KCTD16: variants seen among roughly 807,000 people sequenced by gnomAD.
The protein encoded by KCTD16 is BTB/POZ domain-containing protein KCTD16.
A neutral mutation model predicts 33.2 loss-of-function variants in KCTD16; 13 were observed. That is an observed-to-expected ratio of 0.39 (90% CI 0.25 to 0.62). The LOEUF (loss-of-function observed/expected upper bound fraction) is 0.62. Ranked by LOEUF, KCTD16 falls within the 20% of genes least tolerant of loss-of-function variation. KCTD16 has a pLI of 0.50. For synonymous variants in KCTD16, 197 were observed against 195.3 expected, an observed-to-expected ratio of 1.01 and a Z score of -0.07; for missense variants, 441 against 525.1, an observed-to-expected ratio of 0.84 and a Z score of 1.57.
intron 3 of KCTD16, among the ~76,000 whole-genome samples, chr5:144,258,939 A>G (rs552515913): frequency 1.3e-5 from 2 of 152,070 alleles, no homozygotes; most frequent in South Asian, 4.2e-4. Context: ...CCACACTCCT[A>G]CCTGAAAATT....
At chr5:144,417,674 A>C (rs1561600799) in intron 3 of KCTD16, among the ~76,000 whole-genome samples, 1 of 152,252 alleles carries the variant, frequency 6.6e-6, no homozygotes, top group East Asian at 1.9e-4. Context: ...TCCATTACCA[A>C]ACCCAAGGTC....
At position 144,479,498 on chromosome 5, in the gene KCTD16, A is replaced by C. The variant is rs541588732; in HGVS notation, c.*5384A>C. ...ACCAAATTCCCACGTTATAAGAAAGATGAAAATAGAGATCATGCTTGTCAT... is the reference window on the plus strand; with the variant it reads ...ACCAAATTCCCACGTTATAAGAAAGCTGAAAATAGAGATCATGCTTGTCAT... On this transcript the variant is annotated 3_prime_UTR_variant, in exon 4 of 4. Coordinates refer to ENST00000512467, the MANE Select transcript of KCTD16 (RefSeq NM_020768.4). 28 of 152,050 alleles carry C rather than the reference A, an allele frequency of 1.8e-4. No homozygotes were observed. Among genetic ancestry groups the C allele is most frequent in the African/African-American group, 6.5e-4 (27 of 41,540 alleles). The allele number at this position is 152,050 out of a possible 1,614,324, so 9.4% of individuals were successfully genotyped here.
At chr5:144,253,660 C>T (rs976481415) in intron 3 of KCTD16, among the ~76,000 whole-genome samples, 1 of 151,886 alleles carries the variant, frequency 6.6e-6, no homozygotes, top group Admixed American at 6.6e-5. Flanking sequence ...GTTTTGGGCA[C>T]CTTTCTGTAT....
At chr5:144,205,530 C>G (rs1338150664) in intron 2 of KCTD16, 4 of 398,620 alleles carry the variant, frequency 1.0e-5, no homozygotes, top group Non-Finnish European at 1.8e-5. Context: ...ACATGGGAGT[C>G]CGTTTGCCCT....
rs188937709 is a variant in KCTD16, at chr5:144,369,965, A to C, written c.833-103695A>C. 3.9e-5 allele frequency among the ~76,000 whole-genome samples: 6 copies of C among 152,324 alleles called. No individual in the cohort carries two copies. In the East Asian group the frequency reaches 9.6e-4, roughly 24 times the overall value. ...AAAATAATGTGTCAATGAAAAAGAA[A>C]ATAGTAAGTAGATAATGATCTACTT... On this transcript the variant is annotated intron_variant, in intron 3 of 3. Transcript: ENST00000512467.
intron 3 of KCTD16, among the ~76,000 whole-genome samples, chr5:144,290,473 A>G (rs1755866187): frequency 6.6e-6 from 1 of 152,204 alleles, no homozygotes; most frequent in Non-Finnish European, 1.5e-5. Context: ...TCTTCAATTT[A>G]TTAATCTTAA....
At chr5:144,378,030 A>G (rs1752130704) in intron 3 of KCTD16, among the ~76,000 whole-genome samples, 1 of 152,124 alleles carries the variant, frequency 6.6e-6, no homozygotes, top group African/African-American at 2.4e-5. Context: ...TCAGAAGGGG[A>G]CGTTAATTAT....
chr5:144,427,854 G>A (rs1258151812), intron 3 of KCTD16, among the ~76,000 whole-genome samples: 1 of 152,072 alleles, frequency 6.6e-6, no homozygotes, highest in Non-Finnish European at 1.5e-5. Context: ...AAATGGAAAG[G>A]TTACTCCATT....
In KCTD16 at chr5:144,278,485, C is replaced by CTTTTTTTT. The variant is rs1220359408; in HGVS notation, c.832+70955_832+70962dup. Among the ~76,000 whole-genome samples, 42 of 89,976 alleles carry CTTTTTTTT rather than the reference C, an allele frequency of 4.7e-4. 2 individuals are homozygous for CTTTTTTTT. Among genetic ancestry groups the CTTTTTTTT allele is most frequent in the African/African-American group, 8.8e-4 (18 of 20,390 alleles). 59.0% of individuals were successfully genotyped at this position (89,976 alleles called of 152,430 possible). ...TTGACTATTTTTGTTTGTTAGTCTT[C>CTTTTTTTT]TTTTTTTTTTTTTTTTTTTTTTTGA... On this transcript the variant is annotated intron_variant, in intron 3 of 3. Transcript: ENST00000512467.
rs918828368 is a variant in KCTD16 at position 144,344,251 on chromosome 5, C to A, written c.833-129409C>A. 9.2e-5 allele frequency among the ~76,000 whole-genome samples: 14 copies of A among 152,202 alleles called. 1 individual carries two copies. Among genetic ancestry groups the A allele is most frequent in the Admixed American group, 9.2e-4 (14 of 15,274 alleles). ...TTAAACGTTATACCTAAAACCGTAA[C>A]AATCCTAGAAGAAAACCTAGGCATT... On this transcript the variant is annotated intron_variant, in intron 3 of 3. Transcript: ENST00000512467.
intron 3 of KCTD16, among the ~76,000 whole-genome samples, chr5:144,212,269 T>G (rs1380550748): frequency 6.6e-6 from 1 of 152,142 alleles, no homozygotes; most frequent in Non-Finnish European, 1.5e-5. Flanking sequence ...GATTTAAGCA[T>G]GTTAGTGAAG....
chr5:144,439,018 G>A (rs921291745), intron 3 of KCTD16, among the ~76,000 whole-genome samples: 1 of 150,082 alleles, frequency 6.7e-6, no homozygotes, highest in East Asian at 1.9e-4. Context: ...TTCCTTCCTC[G>A]TTCTAATTTC....
At chr5:144,231,552 T>C (rs1462662959) in intron 3 of KCTD16, among the ~76,000 whole-genome samples, 1 of 152,212 alleles carries the variant, frequency 6.6e-6, no homozygotes, top group Admixed American at 6.5e-5. Context: ...ATATGTAGAA[T>C]GTATCTGATA....
intron 3 of KCTD16, among the ~76,000 whole-genome samples, chr5:144,208,705 G>A (rs946161834): frequency 9.2e-5 from 14 of 152,242 alleles, no homozygotes; most frequent in Admixed American, 5.9e-4. Context: ...CAATGGTGCC[G>A]GGAACCTTGG....
chr5:144,216,085 TA>T lies in KCTD16; in HGVS notation c.832+8544del, dbSNP rs1415432246. ...AACCTAGAGTAATATATGATGGATTTAAAAATTAAGAATACAACTTAAATTG... is the reference window on the plus strand; with the variant it reads ...AACCTAGAGTAATATATGATGGATTTAAAATTAAGAATACAACTTAAATTG... On this transcript the variant is annotated intron_variant, in intron 3 of 3. Coordinates refer to ENST00000512467, the MANE Select transcript of KCTD16 (RefSeq NM_020768.4). Among the ~76,000 whole-genome samples the T allele has an allele frequency of 2.0e-5, 3 of 152,338 alleles. No individual in the cohort carries two copies. The East Asian group carries it at 5.8e-4, about 29-fold the overall frequency.
chr5:144,437,907 C>T (rs1237112973), intron 3 of KCTD16, among the ~76,000 whole-genome samples: 5 of 152,142 alleles, frequency 3.3e-5, no homozygotes, highest in Admixed American at 6.5e-5. Flanking sequence ...TTACAATATC[C>T]GCATGTGGCT....
chr5:144,440,147 C>T (rs1175720243), intron 3 of KCTD16, among the ~76,000 whole-genome samples: 1 of 152,090 alleles, frequency 6.6e-6, no homozygotes, highest in East Asian at 1.9e-4. Flanking sequence ...CCCCTTTGTC[C>T]ACCACACCGA....
At chr5:144,392,857 C>G (rs1210166325) in intron 3 of KCTD16, among the ~76,000 whole-genome samples, 4 of 152,130 alleles carry the variant, frequency 2.6e-5, no homozygotes, top group African/African-American at 4.8e-5. Context: ...ACGCAAGCCC[C>G]TGAGTGGCTA....
At position 144,480,290 on chromosome 5, in the gene KCTD16, T is replaced by G. The variant is rs1754680079; in HGVS notation, c.*6176T>G. ...TTAACAGCTTTTTAGTTCAGCACAATAGTTTGTCTCTACTGTGGATGTCAG... is the reference window on the plus strand; with the variant it reads ...TTAACAGCTTTTTAGTTCAGCACAAGAGTTTGTCTCTACTGTGGATGTCAG... On this transcript the variant is annotated 3_prime_UTR_variant, in exon 4 of 4. Coordinates refer to ENST00000512467, the MANE Select transcript of KCTD16 (RefSeq NM_020768.4). 6.6e-6 allele frequency: 1 copy of G among 151,706 alleles called. No homozygotes were observed. The highest frequency in any genetic ancestry group is 2.4e-5 in the African/African-American group (1 of 41,322). The allele number at this position is 151,706 out of a possible 1,614,324, so 9.4% of individuals were successfully genotyped here.
Sources: allele counts gnomAD v4.1 joint callset (sites outside exome capture counted in the v4.1 genomes callset), GRCh38; gene constraint gnomAD v4.1.1; transcripts MANE v1.5; gene names NCBI Gene and HGNC (gene_info 2026-07-23, HGNC 2026-07-21).